Variants in CFAP46 observed in about 807,000 individuals in gnomAD.
CFAP46 encodes cilia and flagella associated protein 46, also known as cilia- and flagella-associated protein 46.
A neutral mutation model predicts 325.7 loss-of-function variants in CFAP46; 245 were observed. The observed-to-expected ratio is 0.75, with a 90% CI of 0.68 to 0.84. The LOEUF (loss-of-function observed/expected upper bound fraction) is 0.84. Ranked by LOEUF, CFAP46 falls within the 40% of genes least tolerant of loss-of-function variation. The probability of loss-of-function intolerance (pLI) is 0.00; values close to 1 mark genes in which losing one functional copy is unlikely to be tolerated. For missense variants in CFAP46, 3,346 were observed against 3,543.0 expected (o/e 0.94, Z 1.41); for synonymous variants, 1,523 against 1,495.9 (o/e 1.02, Z -0.42).
intron 44 of CFAP46, among the ~76,000 whole-genome samples, chr10:132,843,888 C>T (rs1265820992): frequency 7.8e-6 from 1 of 128,976 alleles, no homozygotes; most frequent in African/African-American, 3.0e-5. Context: ...GGTGGGTGTT[C>T]TCAGGGTGCT....
In CFAP46 at chr10:132,876,206, CT is replaced by C. The variant is rs2135336258; in HGVS notation, c.4362+605del. Among the ~76,000 whole-genome samples the C allele has an allele frequency of 6.6e-6, 1 of 152,372 alleles. No homozygotes were observed. The highest frequency in any genetic ancestry group is 2.1e-4 in the South Asian group (1 of 4,832). On this transcript the variant is annotated intron_variant, in intron 31 of 57. Transcript: ENST00000368586. The surrounding 1 kb of genome is among the most constrained non-coding windows in gnomAD (Gnocchi z 4.1). ...TGAGGGGAGTGGCATCAGCAGGGAT[CT>C]GCGCAGGGCCACTCTACCCACAGCG...
At chr10:132,887,118 T>C (rs1313557386) in intron 25 of CFAP46, among the ~76,000 whole-genome samples, 1 of 134,766 alleles carries the variant, frequency 7.4e-6, no homozygotes, top group Admixed American at 7.3e-5. Context: ...CTTTCACCTC[T>C]CTCTCTCCTC....
At chr10:132,858,932 A>T (rs921600950) in intron 38 of CFAP46, 139 bp downstream of exon 38, 2 of 834,214 alleles carry the variant, frequency 2.4e-6, no homozygotes, top group East Asian at 2.8e-5. Flanking sequence ...GGCAGCCGAG[A>T]GCTTCCCAGG....
At chr10:132,912,578 T>A in intron 19 of CFAP46, 77 bp downstream of exon 19, 1 of 1,401,562 alleles carries the variant, frequency 7.1e-7, no homozygotes. Context: ...CTTTCACCTC[T>A]CCTCTCCTCT....
intron 50 of CFAP46, among the ~76,000 whole-genome samples, chr10:132,818,175 C>T (rs1441348170): frequency 6.6e-6 from 1 of 152,176 alleles, no homozygotes; most frequent in Non-Finnish European, 1.5e-5. Context: ...CCTTTTCTGC[C>T]CCTGCCATGA....
chr10:132,941,065 G>A lies in CFAP46; in HGVS notation c.307-5C>T, dbSNP rs374512320. 8 of 1,613,968 alleles carry A rather than the reference G, an allele frequency of 5.0e-6. No homozygotes were observed. In the African/African-American group the frequency reaches 6.7e-5, roughly 13 times the overall value. ...CACGCAATTTTCAAATTCCTCCTAA[G>A]GCAACATAAAGAAGCACAATTAGAC... On this transcript the variant is annotated splice_region_variant and splice_polypyrimidine_tract_variant and intron_variant, in intron 3 of 57. Transcript: ENST00000368586.
intron 13 of CFAP46, 42 bp downstream of exon 13, chr10:132,922,062 G>T: frequency 6.5e-7 from 1 of 1,534,406 alleles, no homozygotes; most frequent in Non-Finnish European, 8.8e-7. Context: ...GCCATTCCAA[G>T]GTGGACCGTT....
intron 24 of CFAP46, among the ~76,000 whole-genome samples, chr10:132,892,975 T>C (rs1849274729): frequency 6.6e-6 from 1 of 152,108 alleles, no homozygotes; most frequent in Non-Finnish European, 1.5e-5. Flanking sequence ...AAATAATAAC[T>C]GGTCTCAGCC....
chr10:132,822,954 T>TGCTGA, intron 50 of CFAP46, among the ~76,000 whole-genome samples: 1 of 138,698 alleles, frequency 7.2e-6, no homozygotes, highest in South Asian at 2.5e-4. Context: ...GTGCTGTGTG[T>TGCTGA]GTGGTGATGT....
Position 132,942,536 on chromosome 10 carries a change from C to T in CFAP46, c.-52G>A. The T allele has an allele frequency of 1.6e-6, 2 of 1,242,880 alleles. No homozygotes were observed. Among genetic ancestry groups the T allele is most frequent in the South Asian group, 3.5e-5 (1 of 28,584 alleles). The allele number at this position is 1,242,880 out of a possible 1,614,324, so 77.0% of individuals were successfully genotyped here. ...TCTCCGGGGTCCGCGGTGCGTCCTG[C>T]CGCCCACTGTCGGTTGGGTTCTCCA... On this transcript the variant is annotated 5_prime_UTR_variant, in exon 1 of 58. Coordinates refer to ENST00000368586, the MANE Select transcript of CFAP46 (RefSeq NM_001200049.3).
intron 50 of CFAP46, among the ~76,000 whole-genome samples, chr10:132,820,574 T>C (rs1246441607): frequency 7.2e-6 from 1 of 138,064 alleles, no homozygotes; most frequent in East Asian, 2.1e-4. Context: ...GTGCTGTGTG[T>C]GCGCTGATGT....
rs535895982 is a variant in CFAP46, at chr10:132,841,974, A to C, written c.6438+4083T>G. ...TTCTTCCACTGCCTTGAAGAACAGC[A>C]CCCGGCCCTTCCTCTCTGTGCTGAC... is the stretch of plus-strand genomic sequence containing the variant. On this transcript the variant is annotated intron_variant, in intron 44 of 57. Coordinates refer to ENST00000368586, the MANE Select transcript of CFAP46 (RefSeq NM_001200049.3). 6.6e-5 allele frequency among the ~76,000 whole-genome samples: 10 copies of C among 152,128 alleles called. No individual in the cohort carries two copies. The South Asian group carries it at 2.1e-3, about 32-fold the overall frequency.
At position 132,860,997 on chromosome 10, in the gene CFAP46, C is replaced by T; in HGVS notation, c.4891-15G>A. ...TCATCCAGCTCCTGAAGGAGAGAAA[C>T]TCAGACATGCTTGGGTTCCTCTACA... On this transcript the variant is annotated splice_polypyrimidine_tract_variant and intron_variant, in intron 35 of 57. Transcript: ENST00000368586. The T allele has an allele frequency of 6.5e-7, 1 of 1,550,190 alleles. No homozygotes were observed. Among genetic ancestry groups the T allele is most frequent in the Non-Finnish European group, 8.7e-7 (1 of 1,146,900 alleles).
In CFAP46 at chr10:132,877,226, C is replaced by A. The variant is rs1848969302; in HGVS notation, c.4213-265G>T. Among the ~76,000 whole-genome samples the A allele has an allele frequency of 1.3e-5, 2 of 152,190 alleles. No homozygotes were observed. Among genetic ancestry groups the A allele is most frequent in the Non-Finnish European group, 2.9e-5 (2 of 68,024 alleles). On this transcript the variant is annotated intron_variant, in intron 30 of 57. Coordinates refer to ENST00000368586, the MANE Select transcript of CFAP46 (RefSeq NM_001200049.3). The surrounding 1 kb of genome is among the most constrained non-coding windows in gnomAD (Gnocchi z 5.7). ...ACTCCCGAGAGCTAAGGCTCTGCAG[C>A]CTCTGCCTCCTGCGTCTCCCCTCAG...
In CFAP46 at chr10:132,860,810, G is replaced by A; in HGVS notation, c.5063C>T (p.Ser1688Phe). Residue 1688 changes from serine (S) to phenylalanine (F), a missense_variant, in exon 36 of 58, where the codon TCC (serine) becomes TTC (phenylalanine). By Grantham distance (155) the Ser-to-Phe change is radical. Coordinates refer to ENST00000368586, the MANE Select transcript of CFAP46 (RefSeq NM_001200049.3). Reference sequence around the variant, plus strand: ...AGCTTCCCTTCCTGAGTGTTCCATGGACAAGAGCGCCTCTGCCAGGGTCAG... The same window carrying A: ...AGCTTCCCTTCCTGAGTGTTCCATGAACAAGAGCGCCTCTGCCAGGGTCAG... ...STLTLAEALL[S>F]MEHSGREATV... 6 of 1,551,112 alleles carry A rather than the reference G, an allele frequency of 3.9e-6. No homozygotes were observed. Among genetic ancestry groups the A allele is most frequent in the Non-Finnish European group, 4.4e-6 (5 of 1,147,118 alleles).
chr10:132,896,439 G>A (rs544583481), intron 24 of CFAP46, among the ~76,000 whole-genome samples: 1 of 152,372 alleles, frequency 6.6e-6, no homozygotes, highest in Admixed American at 6.5e-5. Flanking sequence ...CCAGTCTATG[G>A]TATTTTGTTA....
intron 27 of CFAP46, among the ~76,000 whole-genome samples, chr10:132,883,120 A>G (rs937375969): frequency 1.3e-5 from 2 of 152,238 alleles, no homozygotes; most frequent in African/African-American, 4.8e-5. Flanking sequence ...ACAGACAACT[A>G]GAATTTCATC....
chr10:132,824,193 G>C (rs1847975655), intron 50 of CFAP46, among the ~76,000 whole-genome samples: 1 of 141,102 alleles, frequency 7.1e-6, no homozygotes, highest in Non-Finnish European at 1.5e-5. Context: ...TGTGTGCTGT[G>C]TGAGTGCTGA....
intron 52 of CFAP46, 32 bp downstream of exon 52, chr10:132,814,654 C>A: frequency 6.3e-7 from 1 of 1,583,596 alleles, no homozygotes. Context: ...AGGGCGGGGT[C>A]TGGGGCCCCC....
Sources: allele counts gnomAD v4.1 joint callset (sites outside exome capture counted in the v4.1 genomes callset), GRCh38; gene constraint gnomAD v4.1.1; non-coding constraint Gnocchi (gnomAD v3.1); transcripts MANE v1.5; gene names NCBI Gene and HGNC (gene_info 2026-07-23, HGNC 2026-07-21).